The following GRIN2A variants were observed in gnomAD, a reference collection of about 807,000 sequenced individuals.
GRIN2A encodes glutamate receptor ionotropic, NMDA 2A.
In GRIN2A, 22 loss-of-function variants were observed where a neutral mutation model predicts 113.4. That is an observed-to-expected ratio of 0.19 (90% CI 0.14 to 0.28). GRIN2A has a LOEUF of 0.28. GRIN2A is among the 10% of genes least tolerant of loss of function. GRIN2A has a pLI of 1.00. For synonymous variants in GRIN2A, 827 were observed against 738.4 expected, an observed-to-expected ratio of 1.12 and a Z score of -1.94; for missense variants, 1,502 against 1,887.0, an observed-to-expected ratio of 0.80 and a Z score of 3.78.
At chr16:10,107,184 T>G (rs145253724) in intron 2 of GRIN2A, among the ~76,000 whole-genome samples, 18 of 152,322 alleles carry the variant, frequency 1.2e-4, no homozygotes, top group African/African-American at 4.3e-4. Context: ...AGGGAAGTTC[T>G]TTCTGTATTT....
chr16:10,055,049 A>G (rs1273824971), intron 2 of GRIN2A, among the ~76,000 whole-genome samples: 1 of 40,322 alleles, frequency 2.5e-5, no homozygotes, highest in South Asian at 1.8e-3. Context: ...CTCTATCTCA[A>G]AAAAAAAAAA....
In GRIN2A at chr16:10,112,979, C is replaced by T. The variant is rs920471061; in HGVS notation, c.414+67019G>A. ...CATAACTGAGTGGTCCACAGATTTG[C>T]ACTACGGGTTCCCCAGCTCCTTTCC... is the stretch of plus-strand genomic sequence containing the variant. On this transcript the variant is annotated intron_variant, in intron 2 of 12. Transcript: ENST00000330684. 20 of 339,640 alleles carry T rather than the reference C, an allele frequency of 5.9e-5. No homozygotes were observed. The East Asian group carries it at 1.2e-3, about 20-fold the overall frequency. 21.0% of individuals were successfully genotyped at this position (339,640 alleles called of 1,614,324 possible). A position where few individuals can be genotyped will look rare whatever the true frequency, so the allele number is the denominator to read the frequency against.
intron 3 of GRIN2A, among the ~76,000 whole-genome samples, chr16:9,919,158 G>C (rs572958236): frequency 2.0e-5 from 3 of 152,278 alleles, no homozygotes; most frequent in African/African-American, 7.2e-5. Flanking sequence ...GAGTGACACA[G>C]TGAGACTCCA....
chr16:10,101,758 G>A (rs770747919), intron 2 of GRIN2A, among the ~76,000 whole-genome samples: 3 of 152,208 alleles, frequency 2.0e-5, no homozygotes, highest in Admixed American at 6.5e-5. Flanking sequence ...AAAGTAGAGG[G>A]AGACAAGAGA....
intron 11 of GRIN2A, among the ~76,000 whole-genome samples, chr16:9,790,837 CAA>C (rs1347151206): frequency 3.3e-5 from 5 of 152,100 alleles, no homozygotes; most frequent in Admixed American, 3.3e-4. Flanking sequence ...ATTCATTAAA[CAA>C]ATTTTGTTTA....
At chr16:9,919,779 A>G (rs1050480777) in intron 3 of GRIN2A, among the ~76,000 whole-genome samples, 1 of 152,108 alleles carries the variant, frequency 6.6e-6, no homozygotes, top group Admixed American at 6.5e-5. Context: ...CTCTCTCCAA[A>G]TGCATGCTCC....
intron 2 of GRIN2A, among the ~76,000 whole-genome samples, chr16:9,997,346 G>C (rs1163003563): frequency 6.6e-6 from 1 of 152,124 alleles, no homozygotes; most frequent in Non-Finnish European, 1.5e-5. Flanking sequence ...GTGATGATAG[G>C]TCCATCCAGA....
chr16:10,093,603 C>A (rs1287652994), intron 2 of GRIN2A, among the ~76,000 whole-genome samples: 4 of 149,816 alleles, frequency 2.7e-5, no homozygotes, highest in African/African-American at 7.3e-5. Flanking sequence ...TTAGGGAATA[C>A]CCGGGCAACA....
At chr16:10,179,454 G>C (rs190973930) in intron 2 of GRIN2A, 81 of 166,698 alleles carry the variant, frequency 4.9e-4, no homozygotes, top group South Asian at 1.4e-3. Flanking sequence ...AGAGTCAGAG[G>C]AAGCATGACA....
At chr16:9,967,231 GGTA>G (rs764821004) in intron 2 of GRIN2A, among the ~76,000 whole-genome samples, 12 of 152,104 alleles carry the variant, frequency 7.9e-5, no homozygotes, top group Non-Finnish European at 1.6e-4. Flanking sequence ...AAGAAAATGT[GGTA>G]GATATACACC....
At chr16:10,153,262 C>T (rs574985570) in intron 2 of GRIN2A, among the ~76,000 whole-genome samples, 3 of 152,284 alleles carry the variant, frequency 2.0e-5, no homozygotes, top group Middle Eastern at 3.4e-3. Context: ...GAACCTAAGA[C>T]TGCTCTTAAA....
chr16:9,952,735 A>C (rs1179359857), intron 2 of GRIN2A, among the ~76,000 whole-genome samples: 1 of 152,212 alleles, frequency 6.6e-6, no homozygotes, highest in African/African-American at 2.4e-5. Context: ...CACGTGACAG[A>C]GCCTGCCACA....
chr16:10,043,563 A>G (rs947910794), intron 2 of GRIN2A, among the ~76,000 whole-genome samples: 1 of 152,152 alleles, frequency 6.6e-6, no homozygotes, highest in African/African-American at 2.4e-5. Flanking sequence ...AGTATCCTAC[A>G]AAGATGCCAC....
chr16:10,018,661 T>C (rs1330323011), intron 2 of GRIN2A, among the ~76,000 whole-genome samples: 1 of 152,198 alleles, frequency 6.6e-6, no homozygotes, highest in African/African-American at 2.4e-5. Context: ...GTGATTGTCC[T>C]GGTGCCACGG....
chr16:10,155,399 A>G (rs2049668168), intron 2 of GRIN2A, among the ~76,000 whole-genome samples: 1 of 152,142 alleles, frequency 6.6e-6, no homozygotes, highest in African/African-American at 2.4e-5. Context: ...TGGGACTGGT[A>G]CTCAGGAAGC....
chr16:9,882,252 A>G (rs1242480484), intron 4 of GRIN2A, among the ~76,000 whole-genome samples: 1 of 152,184 alleles, frequency 6.6e-6, no homozygotes, highest in Non-Finnish European at 1.5e-5. Flanking sequence ...TACAAATCAC[A>G]TCATGTAATA....
chr16:9,884,375 T>C (rs1386782103), intron 4 of GRIN2A, among the ~76,000 whole-genome samples: 1 of 151,948 alleles, frequency 6.6e-6, no homozygotes, highest in Non-Finnish European at 1.5e-5. Context: ...ATGGTGAAAC[T>C]TCATCTCTAC....
At chr16:9,877,471 C>T (rs554013767) in intron 4 of GRIN2A, among the ~76,000 whole-genome samples, 1 of 152,206 alleles carries the variant, frequency 6.6e-6, no homozygotes, top group African/African-American at 2.4e-5. Context: ...TCATAAGCCC[C>T]CTACCCACCC....
chr16:9,990,446 T>C (rs1226045965), intron 2 of GRIN2A, among the ~76,000 whole-genome samples: 1 of 152,070 alleles, frequency 6.6e-6, no homozygotes, highest in African/African-American at 2.4e-5. Context: ...TTCACTACAC[T>C]ACTTGGGCAA....
Sources: gnomAD v4.1 joint callset for allele counts (sites outside exome capture counted in the v4.1 genomes callset) on GRCh38, gnomAD v4.1.1 for gene constraint, MANE v1.5 for transcripts, NCBI Gene and HGNC (gene_info 2026-07-23, HGNC 2026-07-21) for gene names.